NELL1: variants seen among roughly 807,000 people sequenced by gnomAD.
The protein encoded by NELL1 is protein kinase C-binding protein NELL1.
NELL1 carries 76 observed loss-of-function variants against 107.4 expected under a neutral mutation model. The ratio of observed to expected loss-of-function variants is 0.71; its 90% CI spans 0.59 to 0.86. NELL1 has a LOEUF of 0.86. Among genes scored for constraint, NELL1 ranks in the 40% least tolerant of loss-of-function variants. The pLI, the probability that NELL1 is intolerant of heterozygous loss-of-function variation, is 0.00. For synonymous variants in NELL1, 353 were observed against 341.2 expected (o/e 1.03, Z -0.38); for missense variants, 1,024 against 1,005.5 (o/e 1.02, Z -0.25).
chr11:21,171,745 C>G (rs1055209209), intron 13 of NELL1, among the ~76,000 whole-genome samples: 4 of 151,700 alleles, frequency 2.6e-5, no homozygotes, highest in African/African-American at 9.7e-5. Flanking sequence ...TGGAAATTCC[C>G]TATATTAAAT....
At chr11:21,529,961 C>A (rs560555356) in intron 15 of NELL1, among the ~76,000 whole-genome samples, 2 of 152,238 alleles carry the variant, frequency 1.3e-5, no homozygotes, top group East Asian at 3.9e-4. Flanking sequence ...TCTCTAAAGT[C>A]TATATTTATA....
At chr11:21,486,580 A>G (rs1397332680) in intron 15 of NELL1, among the ~76,000 whole-genome samples, 6 of 152,192 alleles carry the variant, frequency 3.9e-5, no homozygotes, top group Admixed American at 3.3e-4. Flanking sequence ...GAAAGGAAAT[A>G]TGACACTTGG....
intron 7 of NELL1, among the ~76,000 whole-genome samples, chr11:20,923,147 C>T (rs547591550): frequency 6.6e-6 from 1 of 152,236 alleles, no homozygotes; most frequent in Admixed American, 6.5e-5. Context: ...GGTGGAAACC[C>T]TGGAGCCCTT....
intron 5 of NELL1, 114 bp downstream of exon 5, chr11:20,885,654 AG>A: frequency 1.5e-6 from 1 of 685,032 alleles, no homozygotes; most frequent in South Asian, 1.6e-5. Context: ...ATGGCATAAT[AG>A]CTACTAATGT....
intron 15 of NELL1, among the ~76,000 whole-genome samples, chr11:21,518,550 T>C (rs1306366450): frequency 6.6e-6 from 1 of 152,206 alleles, no homozygotes; most frequent in Non-Finnish European, 1.5e-5. Context: ...GTATTCCTCC[T>C]TTTAAGCCGG....
At position 21,387,740 on chromosome 11, in the gene NELL1, C is replaced by G. The variant is rs59097128; in HGVS notation, c.1645+16792C>G. ...TGAACTCTGAATTCTGAGTGTGTTA[C>G]TATAGTAACCCTATATACCATCTAC... On this transcript the variant is annotated intron_variant, in intron 15 of 19. Coordinates refer to ENST00000357134, the MANE Select transcript of NELL1 (RefSeq NM_006157.5). Among the ~76,000 whole-genome samples, 331 of 151,622 alleles carry G rather than the reference C, an allele frequency of 2.2e-3. 1 individual carries two copies. The East Asian group carries it at 0.044, about 20-fold the overall frequency.
intron 16 of NELL1, among the ~76,000 whole-genome samples, chr11:21,542,879 T>C (rs964181359): frequency 2.0e-5 from 3 of 152,056 alleles, no homozygotes; most frequent in African/African-American, 7.2e-5. Context: ...ATGATAGTTA[T>C]CAAAGATGTT....
chr11:21,534,907 T>C (rs1271592740), intron 16 of NELL1, among the ~76,000 whole-genome samples: 1 of 152,156 alleles, frequency 6.6e-6, no homozygotes, highest in Admixed American at 6.5e-5. Context: ...AAAGTTTAGT[T>C]TGAATCTCAT....
At chr11:21,444,823 GTTCT>G (rs1853379172) in intron 15 of NELL1, among the ~76,000 whole-genome samples, 1 of 151,920 alleles carries the variant, frequency 6.6e-6, no homozygotes, top group Non-Finnish European at 1.5e-5. Flanking sequence ...GCTCTTATTT[GTTCT>G]TTCTATTATC....
chr11:21,410,113 C>T (rs1283988053), intron 15 of NELL1, among the ~76,000 whole-genome samples: 1 of 151,822 alleles, frequency 6.6e-6, no homozygotes, highest in East Asian at 1.9e-4. Context: ...AGTGTTTTCC[C>T]CCTTCTTTTT....
At chr11:21,075,152 A>G (rs1854104653) in intron 12 of NELL1, among the ~76,000 whole-genome samples, 1 of 152,186 alleles carries the variant, frequency 6.6e-6, no homozygotes, top group Non-Finnish European at 1.5e-5. Context: ...ATGAAATTCA[A>G]CATAGCCAAA....
At chr11:21,391,414 A>T (rs1851875918) in intron 15 of NELL1, among the ~76,000 whole-genome samples, 1 of 151,744 alleles carries the variant, frequency 6.6e-6, no homozygotes, top group Non-Finnish European at 1.5e-5. Context: ...TCTGGGACTT[A>T]AAAAAATGTC....
chr11:21,251,492 TAG>T (rs2133910894), intron 14 of NELL1, among the ~76,000 whole-genome samples: 2 of 152,118 alleles, frequency 1.3e-5, no homozygotes, highest in Non-Finnish European at 2.9e-5. Flanking sequence ...CACATGAAGT[TAG>T]AGACAATTTA....
At chr11:20,884,523 G>A (rs1453291676) in intron 4 of NELL1, among the ~76,000 whole-genome samples, 3 of 1,434 alleles carry the variant, frequency 2.1e-3, no homozygotes, top group African/African-American at 3.0e-3. Flanking sequence ...TGCCCGGGGT[G>A]AGGTTGGAAG....
chr11:20,838,667 A>T (rs996675212), intron 3 of NELL1, among the ~76,000 whole-genome samples: 4 of 152,100 alleles, frequency 2.6e-5, no homozygotes, highest in Non-Finnish European at 5.9e-5. Flanking sequence ...ATTTCTCAAC[A>T]ATAGAAATAA....
intron 16 of NELL1, among the ~76,000 whole-genome samples, chr11:21,543,413 CAT>C (rs1217841552): frequency 1.6e-4 from 25 of 152,108 alleles, no homozygotes; most frequent in East Asian, 5.8e-4. Flanking sequence ...AAAATTGCCA[CAT>C]GTCATTAAAA....
At position 20,906,916 on chromosome 11, in the gene NELL1, C is replaced by T. The variant is rs1173071987; in HGVS notation, c.604-11266C>T. ...TCAATAGTGAAAGACTCAAAGTTTTCCTCTTAAAATCAGGAACAAGGCAAA... is the reference window on the plus strand; with the variant it reads ...TCAATAGTGAAAGACTCAAAGTTTTTCTCTTAAAATCAGGAACAAGGCAAA... On this transcript the variant is annotated intron_variant, in intron 5 of 19. Transcript: ENST00000357134. Among the ~76,000 whole-genome samples, 8 of 151,994 alleles carry T rather than the reference C, an allele frequency of 5.3e-5. No homozygotes were observed. The East Asian group carries it at 1.5e-3, about 29-fold the overall frequency.
At chr11:20,912,758 C>T (rs983913696) in intron 5 of NELL1, among the ~76,000 whole-genome samples, 1 of 152,188 alleles carries the variant, frequency 6.6e-6, no homozygotes, top group South Asian at 2.1e-4. Context: ...TTAAAAATTC[C>T]ACAGCTGTCG....
At chr11:21,033,114 C>T (rs1406400219) in intron 12 of NELL1, among the ~76,000 whole-genome samples, 1 of 151,982 alleles carries the variant, frequency 6.6e-6, no homozygotes, top group Non-Finnish European at 1.5e-5. Context: ...GTAGATGATG[C>T]TTTTTACCCT....
Sources: gnomAD v4.1 joint callset for allele counts (sites outside exome capture counted in the v4.1 genomes callset) on GRCh38, gnomAD v4.1.1 for gene constraint, MANE v1.5 for transcripts, NCBI Gene and HGNC (gene_info 2026-07-23, HGNC 2026-07-21) for gene names.